Variants in CFAP92 observed in about 807,000 individuals in gnomAD.
The protein encoded by CFAP92 is uncharacterized protein CFAP92.
CFAP92 carries 86 observed loss-of-function variants against 106.3 expected under a neutral mutation model. That is an observed-to-expected ratio of 0.81 (90% CI 0.68 to 0.97). CFAP92 has a LOEUF of 0.97. Ranked by LOEUF, CFAP92 falls within the 50% of genes least tolerant of loss-of-function variation. The pLI is 0.00. For missense variants in CFAP92, 1,204 were observed against 1,283.8 expected (o/e 0.94, Z 0.95); for synonymous variants, 477 against 506.4 (o/e 0.94, Z 0.78).
At chr3:128,915,822 A>C (rs1411771054) in intron 13 of CFAP92, 2 of 495,090 alleles carry the variant, frequency 4.0e-6, no homozygotes, top group Admixed American at 7.5e-5. Context: ...CTGCCTTGAT[A>C]AGCAGCAATC....
At chr3:128,984,797 C>T (rs1029831113) in intron 4 of CFAP92, among the ~76,000 whole-genome samples, 2 of 152,198 alleles carry the variant, frequency 1.3e-5, no homozygotes, top group African/African-American at 2.4e-5. Flanking sequence ...TGAATGCTAA[C>T]AAGTTCTGGC....
At chr3:128,972,802 C>G (rs542491883) in intron 7 of CFAP92, among the ~76,000 whole-genome samples, 2 of 151,574 alleles carry the variant, frequency 1.3e-5, no homozygotes, top group Non-Finnish European at 2.9e-5. Flanking sequence ...TAGCAGTGAG[C>G]CCAGATCGCG....
chr3:129,003,596 C>T (rs1944906037), upstream of CFAP92, among the ~76,000 whole-genome samples: 1 of 152,160 alleles, frequency 6.6e-6, no homozygotes, highest in Non-Finnish European at 1.5e-5. Flanking sequence ...GAGCTTGGGC[C>T]TCCCTGGGGA....
upstream of CFAP92, among the ~76,000 whole-genome samples, chr3:128,998,269 CT>C (rs1418914536): frequency 6.6e-6 from 1 of 152,134 alleles, no homozygotes; most frequent in Non-Finnish European, 1.5e-5. Context: ...TTAATAGTGT[CT>C]TTTGAAGTGC....
intron 2 of CFAP92, 126 bp downstream of exon 2, chr3:128,992,917 C>A: frequency 1.7e-6 from 2 of 1,149,986 alleles, no homozygotes; most frequent in Non-Finnish European, 2.5e-6. Flanking sequence ...CTGGCTGGCA[C>A]TGGCCAGCCC....
At chr3:128,926,815 G>C (rs1195649855) in intron 12 of CFAP92, among the ~76,000 whole-genome samples, 1 of 152,134 alleles carries the variant, frequency 6.6e-6, no homozygotes, top group African/African-American at 2.4e-5. Flanking sequence ...GACATCAGAG[G>C]CTGGGCGAGG....
At chr3:128,949,119 G>A (rs1446906449) in intron 9 of CFAP92, among the ~76,000 whole-genome samples, 1 of 152,226 alleles carries the variant, frequency 6.6e-6, no homozygotes, top group Non-Finnish European at 1.5e-5. Flanking sequence ...TGATGAGAAT[G>A]CAGAGTGATC....
chr3:128,987,932 T>C, intron 3 of CFAP92, 103 bp from the exon 4 acceptor site: 1 of 933,064 alleles, frequency 1.1e-6, no homozygotes, highest in Non-Finnish European at 1.6e-6. Flanking sequence ...GCAGCAGCGC[T>C]GCCTGACTTC....
At chr3:128,927,155 A>G (rs1937751292) in intron 12 of CFAP92, among the ~76,000 whole-genome samples, 1 of 152,120 alleles carries the variant, frequency 6.6e-6, no homozygotes. Flanking sequence ...AAGAGATCAT[A>G]TGAGTACGCA....
At chr3:129,021,558 G>C in the CFAP92 span, among the ~76,000 whole-genome samples, 1 of 152,164 alleles carries the variant, frequency 6.6e-6, no homozygotes, top group Non-Finnish European at 1.5e-5. Flanking sequence ...TGGGCAACAA[G>C]ATTGAAACTC....
chr3:128,939,164 A>G (rs532170573), intron 10 of CFAP92, among the ~76,000 whole-genome samples: 1 of 152,174 alleles, frequency 6.6e-6, no homozygotes, highest in East Asian at 1.9e-4. Context: ...TCTGAGACAG[A>G]GTCTGGCTCT....
rs111961659 is a variant in CFAP92, at chr3:128,935,345, T to C, written c.2259-26A>G. Reference sequence around the variant, plus strand: ...CTGCAAGAGACAGAAGGCCAAGAGCTAACTTGCATGGCAGCTTCCTGGGAC... The same window carrying C: ...CTGCAAGAGACAGAAGGCCAAGAGCCAACTTGCATGGCAGCTTCCTGGGAC... On this transcript the variant is annotated intron_variant, in intron 10 of 15. Transcript: ENST00000645291. 3.4e-5 allele frequency: 49 copies of C among 1,452,928 alleles called. No homozygotes were observed. The African/African-American group carries it at 4.6e-4, about 14-fold the overall frequency. 90.0% of individuals were successfully genotyped at this position (1,452,928 alleles called of 1,614,324 possible).
At chr3:128,911,146 T>A (rs1213405688) in intron 15 of CFAP92, among the ~76,000 whole-genome samples, 2 of 152,256 alleles carry the variant, frequency 1.3e-5, no homozygotes, top group Non-Finnish European at 2.9e-5. Context: ...AAACTCCACC[T>A]CTTGGGTTCA....
At position 128,992,578 on chromosome 3, in the gene CFAP92, T is replaced by C. The variant is rs548620172; in HGVS notation, c.262+465A>G. 8.8e-4 allele frequency among the ~76,000 whole-genome samples: 133 copies of C among 150,524 alleles called. 1 individual carries two copies. The highest frequency in any genetic ancestry group is 2.7e-3 in the African/African-American group (110 of 40,150). On this transcript the variant is annotated intron_variant, in intron 2 of 15. Coordinates refer to ENST00000645291, the MANE Select transcript of CFAP92 (RefSeq NM_001394090.1). ...TCCATCTCAATAAAAAAAGAATTAT[T>C]ATTTTTTTTTTTTTTGACAGAGTTT...
At position 128,953,566 on chromosome 3, in the gene CFAP92, G is replaced by A. The variant is rs374140636; in HGVS notation, c.1354-7591C>T. 3.0e-4 allele frequency among the ~76,000 whole-genome samples: 41 copies of A among 135,610 alleles called. 3 individuals are homozygous for A. Among genetic ancestry groups the A allele is most frequent in the Non-Finnish European group, 4.1e-4 (26 of 64,084 alleles). 89.0% of individuals were successfully genotyped at this position (135,610 alleles called of 152,430 possible). On this transcript the variant is annotated intron_variant, in intron 9 of 15. Coordinates refer to ENST00000645291, the MANE Select transcript of CFAP92 (RefSeq NM_001394090.1). ...TCACTCGCTTAAGAAGCAGCAACAC[G>A]GTCTCCCTCTCCCTCTCCCTCTCCC...
chr3:128,940,014 T>C (rs192031705), intron 10 of CFAP92, among the ~76,000 whole-genome samples: 9 of 152,340 alleles, frequency 5.9e-5, no homozygotes, highest in East Asian at 5.8e-4. Context: ...TTCTGATAGA[T>C]TGGCCTCTTC....
chr3:128,965,181 G>A (rs531311382), intron 9 of CFAP92, among the ~76,000 whole-genome samples: 2 of 152,176 alleles, frequency 1.3e-5, no homozygotes, highest in Admixed American at 1.3e-4. Context: ...CCCCACTCTT[G>A]AGAATGTACT....
chr3:128,972,377 G>C (rs1050019250), intron 7 of CFAP92, among the ~76,000 whole-genome samples: 14 of 151,866 alleles, frequency 9.2e-5, no homozygotes, highest in African/African-American at 3.4e-4. Flanking sequence ...GAGTAGCTGG[G>C]ACCACAGGCG....
rs543811194 is a variant in CFAP92 at position 128,950,174 on chromosome 3, T to C, written c.1354-4199A>G. On this transcript the variant is annotated intron_variant, in intron 9 of 15. Transcript: ENST00000645291. Reference sequence around the variant, plus strand: ...CAAATGCTCACTGCTTAGTGCAAATTCCCAGCTCCTTTCTGTCTGTGGGCA... The same window carrying C: ...CAAATGCTCACTGCTTAGTGCAAATCCCCAGCTCCTTTCTGTCTGTGGGCA... Among the ~76,000 whole-genome samples the C allele has an allele frequency of 7.3e-4, 111 of 152,258 alleles. 1 individual carries two copies. Among genetic ancestry groups the C allele is most frequent in the Non-Finnish European group, 1.3e-3 (88 of 68,012 alleles).
Sources: gnomAD v4.1 joint callset for allele counts (sites outside exome capture counted in the v4.1 genomes callset) on GRCh38, gnomAD v4.1.1 for gene constraint, MANE v1.5 for transcripts, NCBI Gene and HGNC (gene_info 2026-07-23, HGNC 2026-07-21) for gene names.